The following ZNF358 variants were observed in gnomAD, a reference collection of about 807,000 sequenced individuals.
The protein encoded by ZNF358 is zinc finger protein 358.
ZNF358 carries 1 observed loss-of-function variant against 2.1 expected under a neutral mutation model. The observed-to-expected ratio is 0.49, with a 90% confidence interval of 0.17 to 2.30. The LOEUF (loss-of-function observed/expected upper bound fraction) is 2.30. Among genes scored for constraint, ZNF358 ranks in the 30% most tolerant of loss-of-function variants. ZNF358 has a pLI of 0.26. For synonymous variants in ZNF358, 381 were observed against 359.7 expected, an observed-to-expected ratio of 1.06 and a Z score of -0.67; for missense variants, 665 against 806.8, an observed-to-expected ratio of 0.82 and a Z score of 2.13.
chr19:7,520,288 G>T lies in ZNF358; in HGVS notation c.1046G>T (p.Cys349Phe). ...CACACGGGCGAGCGGCCCTACGCCT[G>T]CCCGCACTGCTCCAAGGCCTTCGGC... ...RIHTGERPYA[C>F]PHCSKAFGQS... The change falls in exon 2 of 2, where the codon TGC becomes TTC. Residue 349 changes from cysteine to phenylalanine, a missense_variant. Cys to Phe is a radical substitution (Grantham distance 205). Coordinates refer to ENST00000597229, the MANE Select transcript of ZNF358 (RefSeq NM_018083.5). The surrounding 1 kb of genome is among the most constrained non-coding windows in gnomAD (Gnocchi z 6.0). 1 of 1,610,478 alleles carries T rather than the reference G, an allele frequency of 6.2e-7. No individual in the cohort carries two copies. The highest frequency in any genetic ancestry group is 8.5e-7 in the Non-Finnish European group (1 of 1,179,606).
chr19:7,519,062 C>CT (rs2022406078), intron 1 of ZNF358, 143 bp from the exon 2 acceptor site: 37 of 828,912 alleles, frequency 4.5e-5, no homozygotes, highest in Non-Finnish European at 5.5e-5. Context: ...GAGACCCCAT[C>CT]TCAAAAAAAA....
In ZNF358 at chr19:7,520,701, A is replaced by G. The variant is rs2022467453; in HGVS notation, c.1459A>G (p.Ser487Gly). The change falls in exon 2 of 2, where the codon AGC becomes GGC. Residue 487 changes from serine (S) to glycine (G), a missense_variant. By Grantham distance (56) the Ser-to-Gly change is moderately conservative (BLOSUM62 0). Around this residue, in one of 3 missense-constraint regions of ZNF358, gnomAD observed 249 missense variants for 227.6 expected, o/e 1.09. Transcript: ENST00000597229. The surrounding 1 kb of genome is among the most constrained non-coding windows in gnomAD (Gnocchi z 6.0). ...KPLPGSRSTPSPTPVESSDPK... is the reference protein window; with the variant it reads ...KPLPGSRSTPGPTPVESSDPK... ...CCTCCCCGGCTCCAGATCCACCCCC[A>G]GCCCTACTCCTGTGGAATCTTCTGA... The G allele has an allele frequency of 3.1e-6, 5 of 1,613,460 alleles. No homozygotes were observed. The Admixed American group carries it at 5.0e-5, about 16-fold the overall frequency.
chr19:7,518,935 G>GATT (rs1347727828), intron 1 of ZNF358, among the ~76,000 whole-genome samples: 2 of 151,774 alleles, frequency 1.3e-5, no homozygotes, highest in Non-Finnish European at 2.9e-5. Context: ...CATGGTGGTG[G>GATT]ACACCTGTAA....
Position 7,519,582 on chromosome 19 carries a change from AG to A in ZNF358, c.341del (p.Ser114ThrfsTer53). ...LILDPNSDTL[S>X]PGDPKVDPIS... ...TCTCGATCCTAACAGCGACACCCTCAGCCCCGGCGATCCAAAAGTGGACCCC... is the reference window on the plus strand; with the variant it reads ...TCTCGATCCTAACAGCGACACCCTCACCCCGGCGATCCAAAAGTGGACCCC... On this transcript the variant is annotated frameshift_variant, in exon 2 of 2. Transcript: ENST00000597229. LOFTEE classifies it low-confidence loss of function (END_TRUNC). The A allele has an allele frequency of 6.2e-7, 1 of 1,600,186 alleles. No homozygotes were observed. The highest frequency in any genetic ancestry group is 8.5e-7 in the Non-Finnish European group (1 of 1,179,858).
At position 7,520,157 on chromosome 19, in the gene ZNF358, G is replaced by A; in HGVS notation, c.915G>A (p.Ala305=). 1.9e-6 allele frequency: 3 copies of A among 1,598,920 alleles called. No individual in the cohort carries two copies. Among genetic ancestry groups the A allele is most frequent in the Non-Finnish European group, 2.5e-6 (3 of 1,178,226 alleles). ...QCGKAFGQSS[A]LLQHQRTHTA... is the part of the protein sequence containing the mutation. ...GCAAGGCCTTCGGGCAGAGCTCGGC[G>A]CTGCTGCAGCACCAGCGCACACACA... The change falls in exon 2 of 2, where the codon GCG becomes GCA. Residue 305 remains alanine, a synonymous_variant. Transcript: ENST00000597229. The surrounding 1 kb of genome is among the most constrained non-coding windows in gnomAD (Gnocchi z 6.0).
At position 7,519,659 on chromosome 19, in the gene ZNF358, G is replaced by C. The variant is rs998836186; in HGVS notation, c.417G>C (p.Ala139=). ...ATPQVLATSP[A]VLPAPASPPR... ...CCCAGGTCTTGGCCACCAGCCCCGC[G>C]GTGCTCCCCGCCCCCGCCAGCCCGC... Residue 139 remains alanine (A), a synonymous_variant, in exon 2 of 2, where the codon GCG becomes GCC. Coordinates refer to ENST00000597229, the MANE Select transcript of ZNF358 (RefSeq NM_018083.5). 3.8e-6 allele frequency: 6 copies of C among 1,579,552 alleles called. No individual in the cohort carries two copies. In the East Asian group the frequency reaches 1.1e-4, roughly 29 times the overall value.
Position 7,520,547 on chromosome 19 carries a change from C to T in ZNF358, c.1305C>T (p.Val435=). 7.9e-7 allele frequency: 1 copy of T among 1,268,426 alleles called. No homozygotes were observed. The allele number at this position is 1,268,426 out of a possible 1,614,324, so 78.6% of individuals were successfully genotyped here. A position where few individuals can be genotyped will look rare whatever the true frequency, so the allele number is the denominator to read the frequency against. ...SPASMMRPGQ[V]SLLGPDAVSV... ...CATCCATGATGAGGCCGGGGCAGGT[C>T]TCCCTCCTGGGTCCTGATGCTGTTT... Residue 435 remains valine (V), a synonymous_variant, in exon 2 of 2, where the codon GTC becomes GTT. Coordinates refer to ENST00000597229, the MANE Select transcript of ZNF358 (RefSeq NM_018083.5). The surrounding 1 kb of genome is among the most constrained non-coding windows in gnomAD (Gnocchi z 6.0).
rs1329086439 is a variant in ZNF358, at chr19:7,520,046, C to A, written c.804C>A (p.Cys268Ter). Residue 268 changes from cysteine (C) to a stop codon, truncating the protein, a stop_gained, in exon 2 of 2, where the codon TGC becomes TGA. Coordinates refer to ENST00000597229, the MANE Select transcript of ZNF358 (RefSeq NM_018083.5). LOFTEE classifies it low-confidence loss of function (END_TRUNC). This position sits in a 1 kb window ranked among gnomAD's most constrained non-coding sequence, Gnocchi z 6.0. ...CGCGGCCCCACAAGTGCCCGGTGTG[C>A]GCCAAGGGCTTCGGCCAGGGCTCTG... ...GGPRPHKCPV[C>*]AKGFGQGSAL... 6.4e-7 allele frequency: 1 copy of A among 1,553,538 alleles called. No individual in the cohort carries two copies.
At chr19:7,514,225 C>T (rs2022307018), upstream of ZNF358, among the ~76,000 whole-genome samples, 1 of 152,170 alleles carries the variant, frequency 6.6e-6, no homozygotes, top group Non-Finnish European at 1.5e-5. Flanking sequence ...TTATTGTGGC[C>T]AGGGGATAGG....
chr19:7,519,799 A>G lies in ZNF358; in HGVS notation c.557A>G (p.Lys186Arg). ...CCGTACCGCTGCCCCGACTGCGGGAAGTCCTTCAGCCACGGTGCCACCCTG... is the reference window on the plus strand; with the variant it reads ...CCGTACCGCTGCCCCGACTGCGGGAGGTCCTTCAGCCACGGTGCCACCCTG... ...EKPYRCPDCG[K>R]SFSHGATLAQ... is the part of the protein sequence containing the mutation. Residue 186 changes from lysine (K) to arginine (R), a missense_variant, in exon 2 of 2, where the codon AAG (lysine) becomes AGG (arginine). Physicochemically the swap from Lys to Arg is conservative, Grantham distance 26. Around this residue, in one of 3 missense-constraint regions of ZNF358, gnomAD observed 210 missense variants for 350.8 expected, o/e 0.60. Transcript: ENST00000597229. The G allele has an allele frequency of 6.5e-7, 1 of 1,531,518 alleles. No homozygotes were observed. The highest frequency in any genetic ancestry group is 8.7e-7 in the Non-Finnish European group (1 of 1,145,158). 94.9% of individuals were successfully genotyped at this position (1,531,518 alleles called of 1,614,324 possible).
At chr19:7,518,523 G>T (rs2022379707) in intron 1 of ZNF358, among the ~76,000 whole-genome samples, 1 of 116,870 alleles carries the variant, frequency 8.6e-6, no homozygotes, top group Non-Finnish European at 1.7e-5. Context: ...GGAAAAGAAG[G>T]AAGGAAGGAA....
chr19:7,519,920 C>A lies in ZNF358; in HGVS notation c.678C>A (p.Arg226=). The change falls in exon 2 of 2, where the codon CGC becomes CGA. Residue 226 remains arginine, a synonymous_variant. Transcript: ENST00000597229. ...GGCGCTCCACGCTGCTGAAACATCGCAGCAGCCACAGCGGGGAGAAGCCGC... is the reference window on the plus strand; with the variant it reads ...GGCGCTCCACGCTGCTGAAACATCGAAGCAGCCACAGCGGGGAGAAGCCGC... The part of the protein sequence containing the change: ...FGWRSTLLKH[R]SSHSGEKPHH... 6.6e-7 allele frequency: 1 copy of A among 1,525,182 alleles called. No homozygotes were observed. Among genetic ancestry groups the A allele is most frequent in the Non-Finnish European group, 8.8e-7 (1 of 1,141,950 alleles). 94.5% of individuals were successfully genotyped at this position (1,525,182 alleles called of 1,614,324 possible).
upstream of ZNF358, among the ~76,000 whole-genome samples, chr19:7,514,391 G>C (rs1191618553): frequency 6.6e-6 from 1 of 152,186 alleles, no homozygotes; most frequent in Non-Finnish European, 1.5e-5. Flanking sequence ...ATTTGTAATG[G>C]GATCATCCAG....
rs1327453600 is a variant in ZNF358, at chr19:7,520,520, T to G, written c.1278T>G (p.Pro426=). Residue 426 remains proline (P), a synonymous_variant, in exon 2 of 2, where the codon CCT becomes CCG. Coordinates refer to ENST00000597229, the MANE Select transcript of ZNF358 (RefSeq NM_018083.5). This position sits in a 1 kb window ranked among gnomAD's most constrained non-coding sequence, Gnocchi z 6.0. ...AGLGLGPGLS[P]ASMMRPGQVS... Reference sequence around the variant, plus strand: ...TGGGCCTCGGGCCTGGCCTAAGCCCTGCATCCATGATGAGGCCGGGGCAGG... The same window carrying G: ...TGGGCCTCGGGCCTGGCCTAAGCCCGGCATCCATGATGAGGCCGGGGCAGG... The G allele has an allele frequency of 7.9e-7, 1 of 1,271,772 alleles. No homozygotes were observed. The highest frequency in any genetic ancestry group is 1.1e-6 in the Non-Finnish European group (1 of 894,242). 78.8% of individuals were successfully genotyped at this position (1,271,772 alleles called of 1,614,324 possible). A position where few individuals can be genotyped will look rare whatever the true frequency, so the allele number is the denominator to read the frequency against.
At chr19:7,515,673 G>C (rs1258044052), upstream of ZNF358, among the ~76,000 whole-genome samples, 1 of 152,162 alleles carries the variant, frequency 6.6e-6, no homozygotes, top group South Asian at 2.1e-4. Context: ...CAGAGAGAGA[G>C]AGACAGACAG....
chr19:7,517,076 C>T (rs1868535269), intron 1 of ZNF358, among the ~76,000 whole-genome samples: 1 of 152,148 alleles, frequency 6.6e-6, no homozygotes, highest in African/African-American at 2.4e-5. Flanking sequence ...CAGGTCCCCC[C>T]ACAGCTTCTC....
intron 1 of ZNF358, 43 bp from the exon 2 acceptor site, chr19:7,519,162 A>T (rs1167923368): frequency 6.6e-7 from 1 of 1,517,064 alleles, no homozygotes; most frequent in East Asian, 2.3e-5. Context: ...CCCCGCTCCC[A>T]CAGAACCCAC....
chr19:7,520,626 C>G lies in ZNF358; in HGVS notation c.1384C>G (p.Pro462Ala), dbSNP rs530318543. 4 of 1,536,834 alleles carry G rather than the reference C, an allele frequency of 2.6e-6. No individual in the cohort carries two copies. Among genetic ancestry groups the G allele is most frequent in the Non-Finnish European group, 3.5e-6 (4 of 1,128,952 alleles). ...CCCTGGCACCAGCTCTGGCCGCAAC[C>G]CTGACCCTGGCTCTGGGCCGGGCAC... is the stretch of plus-strand genomic sequence containing the variant. ...LSPGTSSGRN[P>A]DPGSGPGTLP... is the part of the protein sequence containing the mutation. The change falls in exon 2 of 2, where the codon CCT becomes GCT. Residue 462 changes from proline (P) to alanine (A), a missense_variant. Physicochemically the swap from Pro to Ala is conservative, Grantham distance 27 (BLOSUM62 -1). Around this residue, in one of 3 missense-constraint regions of ZNF358, gnomAD observed 249 missense variants for 227.6 expected, o/e 1.09. Transcript: ENST00000597229. This position sits in a 1 kb window ranked among gnomAD's most constrained non-coding sequence, Gnocchi z 6.0.
At chr19:7,517,642 T>TC (rs1568393670) in intron 1 of ZNF358, among the ~76,000 whole-genome samples, 2 of 152,012 alleles carry the variant, frequency 1.3e-5, no homozygotes, top group Non-Finnish European at 2.9e-5. Flanking sequence ...TCCCTACCCA[T>TC]CCCTCCTCAC....
Sources: allele counts gnomAD v4.1 joint callset (sites outside exome capture counted in the v4.1 genomes callset), GRCh38; gene constraint gnomAD v4.1.1; regional missense constraint gnomAD v4.1.1; non-coding constraint Gnocchi (gnomAD v3.1); transcripts MANE v1.5; gene names NCBI Gene and HGNC (gene_info 2026-07-23, HGNC 2026-07-21).